Variants in APOB observed in about 807,000 individuals in gnomAD.
The protein encoded by APOB is apolipoprotein B-100.
Under a neutral mutation model 314.1 loss-of-function variants are expected in APOB, and 153 were observed. That is an observed-to-expected ratio of 0.49 (90% CI 0.43 to 0.56). APOB has a LOEUF of 0.56. Ranked by LOEUF, APOB falls within the 20% of genes least tolerant of loss-of-function variation. APOB has a pLI of 0.00. For missense variants in APOB, 5,430 were observed against 5,350.7 expected (o/e 1.01, Z -0.46); for synonymous variants, 2,087 against 2,036.4 (o/e 1.02, Z -0.67).
Position 21,038,013 on chromosome 2 carries a change from A to G in APOB, c.482T>C (p.Ile161Thr), listed in dbSNP as rs1460290120. The G allele has an allele frequency of 6.2e-7, 1 of 1,614,210 alleles. No homozygotes were observed. The highest frequency in any genetic ancestry group is 1.1e-5 in the South Asian group (1 of 91,088). ...TYILNIKRGI[I>T]SALLVPPETE... is the part of the protein sequence containing the mutation. ...CTCTGGGGGAACCAGGAGGGCAGAA[A>G]TGATGCCCCTCTTGATGTTCAGGAT... Residue 161 changes from isoleucine to threonine, a missense_variant, in exon 5 of 29, where the codon ATT (isoleucine) becomes ACT (threonine). By Grantham distance (89) the Ile-to-Thr change is moderately conservative. This residue lies in a region of APOB where 2,085 missense variants were observed against 2,079.7 expected (regional missense o/e 1.00). Transcript: ENST00000233242.
chr2:21,036,347 C>T (rs900285047), intron 6 of APOB, among the ~76,000 whole-genome samples: 2 of 152,166 alleles, frequency 1.3e-5, no homozygotes, highest in African/African-American at 4.8e-5. Flanking sequence ...GCATTATCCT[C>T]TTCTGACTGT....
At position 21,008,860 on chromosome 2, in the gene APOB, C is replaced by T. The variant is rs745924359; in HGVS notation, c.8008G>A (p.Val2670Ile). ...TGGTCAATGGTTCTGATGATCTTTA[C>T]TTTCATTTCTACAAAGTCAATTGTA... ...SFTIDFVEMK[V>I]KIIRTIDQML... The change falls in exon 26 of 29, where the codon GTA (valine) becomes ATA (isoleucine). Residue 2670 changes from valine to isoleucine, a missense_variant. Transcript: ENST00000233242. 1.9e-6 allele frequency: 3 copies of T among 1,613,934 alleles called. No individual in the cohort carries two copies. Among genetic ancestry groups the T allele is most frequent in the Non-Finnish European group, 2.5e-6 (3 of 1,179,970 alleles).
chr2:21,014,523 T>C lies in APOB; in HGVS notation c.3767A>G (p.Asn1256Ser), dbSNP rs768113302. ...CTGGAGGTTGAACTCCTTCAGGCTATTGAGGTGGTCTTGCAAAGTCTGGGT... is the reference window on the plus strand; with the variant it reads ...CTGGAGGTTGAACTCCTTCAGGCTACTGAGGTGGTCTTGCAAAGTCTGGGT... ...PYTQTLQDHL[N>S]SLKEFNLQNM... The change falls in exon 24 of 29, where the codon AAT (asparagine) becomes AGT (serine). Residue 1256 changes from asparagine (N) to serine (S), a missense_variant. Asn to Ser is a conservative substitution (Grantham distance 46). This residue lies in a region of APOB where 2,085 missense variants were observed against 2,079.7 expected (regional missense o/e 1.00). Coordinates refer to ENST00000233242, the MANE Select transcript of APOB (RefSeq NM_000384.3). 1.6e-5 allele frequency: 26 copies of C among 1,614,026 alleles called. No individual in the cohort carries two copies. Among genetic ancestry groups the C allele is most frequent in the Non-Finnish European group, 2.0e-5 (24 of 1,180,024 alleles).
Position 21,004,473 on chromosome 2 carries a change from G to A in APOB, c.11904-21C>T, listed in dbSNP as rs192931946. On this transcript the variant is annotated intron_variant, in intron 27 of 28. Transcript: ENST00000233242. Reference sequence around the variant, plus strand: ...ATTCCCTGAAAGCAGAAAAACAGATGAGCTATCACGAAAGGGGTATGGAGA... The same window carrying A: ...ATTCCCTGAAAGCAGAAAAACAGATAAGCTATCACGAAAGGGGTATGGAGA... The A allele has an allele frequency of 1.4e-4, 226 of 1,613,862 alleles. No homozygotes were observed. In the African/African-American group the frequency reaches 2.7e-3, roughly 19 times the overall value.
At position 21,038,048 on chromosome 2, in the gene APOB, T is replaced by C. The variant is rs1334100211; in HGVS notation, c.447A>G (p.Glu149=). The change falls in exon 5 of 29, where the codon GAA becomes GAG. Residue 149 remains glutamate (E), a synonymous_variant. Coordinates refer to ENST00000233242, the MANE Select transcript of APOB (RefSeq NM_000384.3). ...TCTTGATGTTCAGGATGTAAGTAGG[T>C]TCATCTTTCTCCGGGTAAAGGAAAA... ...KQVFLYPEKD[E]PTYILNIKRG... is the part of the protein sequence containing the mutation. 6.2e-7 allele frequency: 1 copy of C among 1,614,158 alleles called. No homozygotes were observed. Among genetic ancestry groups the C allele is most frequent in the East Asian group, 2.2e-5 (1 of 44,884 alleles).
At chr2:21,018,612 A>T (rs1003942067) in intron 20 of APOB, among the ~76,000 whole-genome samples, 1 of 152,128 alleles carries the variant, frequency 6.6e-6, no homozygotes, top group African/African-American at 2.4e-5. Flanking sequence ...TTTACCAGGG[A>T]GACTTTCCCT....
chr2:21,014,176 G>T (rs1166100375), intron 24 of APOB, among the ~76,000 whole-genome samples: 1 of 152,212 alleles, frequency 6.6e-6, no homozygotes, highest in African/African-American at 2.4e-5. Context: ...GTCAGAGGGA[G>T]AATTTGCTTA....
chr2:21,016,983 CA>C (rs376000502), intron 20 of APOB, among the ~76,000 whole-genome samples: 2 of 104,380 alleles, frequency 1.9e-5, no homozygotes, highest in African/African-American at 8.5e-5. Context: ...GACTCCATCT[CA>C]AAAAATAAAT....
Position 21,023,704 on chromosome 2 carries a change from A to G in APOB, c.2437-12T>C. Reference sequence around the variant, plus strand: ...ATGACCTCTCCAATCTGTAGACCCAACAAGGGAGAGCAAATAAAAGTAAGT... The same window carrying G: ...ATGACCTCTCCAATCTGTAGACCCAGCAAGGGAGAGCAAATAAAAGTAAGT... On this transcript the variant is annotated splice_polypyrimidine_tract_variant and intron_variant, in intron 16 of 28. Transcript: ENST00000233242. 6.3e-7 allele frequency: 1 copy of G among 1,583,726 alleles called. No homozygotes were observed. The highest frequency in any genetic ancestry group is 8.6e-7 in the Non-Finnish European group (1 of 1,163,040).
intron 25 of APOB, 80 bp from the exon 26 acceptor site, chr2:21,012,731 A>C (rs1409252332): frequency 4.7e-6 from 7 of 1,495,006 alleles, no homozygotes; most frequent in Non-Finnish European, 6.4e-6. Flanking sequence ...GTCTTTCAAT[A>C]ATAAAGCCCC....
intron 6 of APOB, among the ~76,000 whole-genome samples, chr2:21,035,957 C>G (rs143414060): frequency 3.5e-4 from 53 of 152,298 alleles, no homozygotes; most frequent in African/African-American, 1.2e-3. Flanking sequence ...CCTCCACATG[C>G]CCATCCCACC....
Position 21,007,651 on chromosome 2 carries a change from T to A in APOB, c.9217A>T (p.Asn3073Tyr), listed in dbSNP as rs138529007. The change falls in exon 26 of 29, where the codon AAC becomes TAC. Residue 3073 changes from asparagine to tyrosine, a missense_variant. Coordinates refer to ENST00000233242, the MANE Select transcript of APOB (RefSeq NM_000384.3). Reference protein sequence around the residue: ...RLTGKIDFLNNYALFLSPSAQ... With the variant: ...RLTGKIDFLNYYALFLSPSAQ... ...CTGGGACTCAGAAACAGTGCATAGT[T>A]ATTCAGGAAGTCTATCTTCCCTGTT... 1 of 1,614,128 alleles carries A rather than the reference T, an allele frequency of 6.2e-7. No homozygotes were observed. The highest frequency in any genetic ancestry group is 2.2e-5 in the East Asian group (1 of 44,888).
rs1322018746 is a variant in APOB at position 21,001,499 on chromosome 2, G to A, written c.*231C>T. On this transcript the variant is annotated 3_prime_UTR_variant, in exon 29 of 29. Transcript: ENST00000233242. ...AGTTTAGCAAAATAACTCAGATCCT[G>A]ATTTTCTTTAACTTGCAAAAAATGC... is the stretch of plus-strand genomic sequence containing the variant. 7.9e-6 allele frequency: 4 copies of A among 507,992 alleles called. No individual in the cohort carries two copies. Among genetic ancestry groups the A allele is most frequent in the Non-Finnish European group, 6.9e-6 (2 of 289,344 alleles). The allele number at this position is 507,992 out of a possible 1,614,324, so 31.5% of individuals were successfully genotyped here. A position where few individuals can be genotyped will look rare whatever the true frequency, so the allele number is the denominator to read the frequency against.
rs773248283 is a variant in APOB, at chr2:21,042,496, G to A, written c.122-20C>T. 1 of 1,590,270 alleles carries A rather than the reference G, an allele frequency of 6.3e-7. No homozygotes were observed. Among genetic ancestry groups the A allele is most frequent in the Non-Finnish European group, 8.6e-7 (1 of 1,158,264 alleles). On this transcript the variant is annotated intron_variant, in intron 2 of 28. Coordinates refer to ENST00000233242, the MANE Select transcript of APOB (RefSeq NM_000384.3). ...CATCTTCTAACGTGGGGAGAAATAC[G>A]TCAGCCACATAGCAGAAATAGCTCT...
At chr2:21,003,384 C>T (rs1047912024) in intron 28 of APOB, 50 bp from the exon 29 acceptor site, 1 of 1,497,398 alleles carries the variant, frequency 6.7e-7, no homozygotes, top group South Asian at 1.1e-5. Flanking sequence ...ACTCCAATTA[C>T]ACAATATAGT....
rs774720452 is a variant in APOB, at chr2:21,008,767, T to A, written c.8101A>T (p.Ile2701Phe). Reference sequence around the variant, plus strand: ...GGCAGGGTGATTCTCGCTAGAGGAATGTCCTCCACCTTCAGATCCCTGAGA... The same window carrying A: ...GGCAGGGTGATTCTCGCTAGAGGAAAGTCCTCCACCTTCAGATCCCTGAGA... ...IYLRDLKVED[I>F]PLARITLPDF... The change falls in exon 26 of 29, where the codon ATT (isoleucine) becomes TTT (phenylalanine). Residue 2701 changes from isoleucine (I) to phenylalanine (F), a missense_variant. By Grantham distance (21) the Ile-to-Phe change is conservative. Around this residue, in one of 3 missense-constraint regions of APOB, gnomAD observed 3,281 missense variants for 3,171.0 expected, o/e 1.03. Coordinates refer to ENST00000233242, the MANE Select transcript of APOB (RefSeq NM_000384.3). 3.7e-6 allele frequency: 6 copies of A among 1,613,942 alleles called. No individual in the cohort carries two copies. Among genetic ancestry groups the A allele is most frequent in the Admixed American group, 3.3e-5 (2 of 59,986 alleles).
chr2:21,037,348 G>T, intron 5 of APOB, 93 bp from the exon 6 acceptor site: 2 of 1,337,704 alleles, frequency 1.5e-6, no homozygotes, highest in Non-Finnish European at 2.1e-6. Flanking sequence ...GAAAGAAAAA[G>T]CAGAAGGAAT....
At chr2:21,042,567 A>T in intron 2 of APOB, 91 bp from the exon 3 acceptor site, 1 of 895,452 alleles carries the variant, frequency 1.1e-6, no homozygotes, top group African/African-American at 1.6e-5. Flanking sequence ...TGGCATAGAG[A>T]ATTAAAAATG....
At chr2:21,023,847 T>C (rs979910387) in intron 16 of APOB, 155 bp from the exon 17 acceptor site, 2 of 601,580 alleles carry the variant, frequency 3.3e-6, no homozygotes, top group African/African-American at 1.8e-5. Context: ...TAAATAAAGA[T>C]CAAACTGATG....
Sources: allele counts gnomAD v4.1 joint callset (sites outside exome capture counted in the v4.1 genomes callset), GRCh38; gene constraint gnomAD v4.1.1; regional missense constraint gnomAD v4.1.1; transcripts MANE v1.5; gene names NCBI Gene and HGNC (gene_info 2026-07-23, HGNC 2026-07-21).